The following AKAP9 variants were observed in gnomAD, a reference collection of about 807,000 sequenced individuals.
The protein encoded by AKAP9 is A-kinase anchor protein 9.
In AKAP9, 311 loss-of-function variants were observed where a neutral mutation model predicts 488.5. The ratio of observed to expected loss-of-function variants is 0.64; its 90% CI spans 0.58 to 0.70. The LOEUF (loss-of-function observed/expected upper bound fraction) is 0.70, where lower values mean the gene tolerates loss of function less well. Ranked by LOEUF, AKAP9 falls within the 30% of genes least tolerant of loss-of-function variation. AKAP9 has a pLI of 0.00. For missense variants in AKAP9, 4,215 were observed against 4,374.5 expected (o/e 0.96, Z 1.03); for synonymous variants, 1,462 against 1,483.5 (o/e 0.99, Z 0.33).
intron 26 of AKAP9, among the ~76,000 whole-genome samples, chr7:92,068,609 T>C (rs1811179694): frequency 1.3e-5 from 2 of 152,014 alleles, no homozygotes; most frequent in Admixed American, 6.5e-5. Flanking sequence ...ATTTTTTTTT[T>C]CTACTGTTGC....
At chr7:91,971,975 T>TGC (rs1464270556) in intron 1 of AKAP9, among the ~76,000 whole-genome samples, 2 of 141,860 alleles carry the variant, frequency 1.4e-5, no homozygotes, top group East Asian at 4.1e-4. Flanking sequence ...TTTTATGTTT[T>TGC]GCCTCTCTTT....
intron 16 of AKAP9, among the ~76,000 whole-genome samples, chr7:92,033,738 G>A (rs1435733578): frequency 6.6e-6 from 1 of 152,100 alleles, no homozygotes; most frequent in Non-Finnish European, 1.5e-5. Context: ...ATGCCTGGCT[G>A]AGAATCATTT....
chr7:92,085,609 G>T lies in AKAP9; in HGVS notation c.8947G>T (p.Glu2983Ter). The T allele has an allele frequency of 6.2e-7, 1 of 1,613,886 alleles. No homozygotes were observed. The highest frequency in any genetic ancestry group is 8.5e-7 in the Non-Finnish European group (1 of 1,179,898). Reference protein sequence around the residue: ...IQQVSEPWLEERKAYINTISS... With the variant: ...IQQVSEPWLE ...GCAGGTTTCAGAACCTTGGCTAGAA[G>T]AGAGAAAAGCTTACATCAATACAAT... is the stretch of plus-strand genomic sequence containing the variant. Residue 2983 changes from glutamate to a stop codon, truncating the protein, a stop_gained, in exon 36 of 50, where the codon GAG becomes TAG. Coordinates refer to ENST00000356239, the MANE Select transcript of AKAP9 (RefSeq NM_005751.5). LOFTEE classifies it high-confidence loss of function.
intron 14 of AKAP9, among the ~76,000 whole-genome samples, chr7:92,027,214 T>C (rs1310369425): frequency 7.9e-6 from 1 of 127,044 alleles, no homozygotes; most frequent in East Asian, 2.7e-4. Context: ...GGCTGCCGCG[T>C]CTGGGAGGTG....
chr7:92,002,751 T>C lies in AKAP9; in HGVS notation c.2834T>C (p.Leu945Pro), dbSNP rs1216717375. 1 of 1,613,630 alleles carries C rather than the reference T, an allele frequency of 6.2e-7. No homozygotes were observed. ...EKDTTELMEK[L>P]EVTKREKLEL... ...GATACAACAGAACTCATGGAAAAACTTGAGGTAACCAAGCGAGAGAAATTA... is the reference window on the plus strand; with the variant it reads ...GATACAACAGAACTCATGGAAAAACCTGAGGTAACCAAGCGAGAGAAATTA... The change falls in exon 8 of 50, where the codon CTT becomes CCT. Residue 945 changes from leucine (L) to proline (P), a missense_variant. Coordinates refer to ENST00000356239, the MANE Select transcript of AKAP9 (RefSeq NM_005751.5).
chr7:92,041,927 T>C, intron 18 of AKAP9, 119 bp from the exon 19 acceptor site: 1 of 1,058,836 alleles, frequency 9.4e-7, no homozygotes, highest in South Asian at 1.4e-5. Flanking sequence ...CGATGGAATA[T>C]GAATCATAAG....
At chr7:92,030,687 A>G (rs893569450) in intron 15 of AKAP9, among the ~76,000 whole-genome samples, 1 of 152,150 alleles carries the variant, frequency 6.6e-6, no homozygotes, top group African/African-American at 2.4e-5. Context: ...ATCCAAGACA[A>G]TAGGGCTGGG....
chr7:92,029,024 A>G (rs1803781865), intron 14 of AKAP9, among the ~76,000 whole-genome samples: 1 of 152,160 alleles, frequency 6.6e-6, no homozygotes, highest in Non-Finnish European at 1.5e-5. Context: ...GGTTATGTGG[A>G]CAAGAGGAAG....
chr7:91,987,232 A>C (rs1446853713), intron 3 of AKAP9, among the ~76,000 whole-genome samples: 1 of 152,118 alleles, frequency 6.6e-6, no homozygotes, highest in Non-Finnish European at 1.5e-5. Context: ...AGTTTGACCA[A>C]CATGCTGAAA....
At chr7:92,109,871 A>T (rs1398186950) in intron 49 of AKAP9, among the ~76,000 whole-genome samples, 1 of 152,134 alleles carries the variant, frequency 6.6e-6, no homozygotes, top group Non-Finnish European at 1.5e-5. Flanking sequence ...GAATCACTTG[A>T]ACCCAGGAGG....
intron 1 of AKAP9, among the ~76,000 whole-genome samples, chr7:91,971,556 A>ATTTC (rs1554387344): frequency 1.0e-4 from 8 of 77,978 alleles, no homozygotes; most frequent in African/African-American, 3.9e-4. Flanking sequence ...ATATACATCT[A>ATTTC]TTTCTTTTTT....
intron 37 of AKAP9, among the ~76,000 whole-genome samples, chr7:92,089,073 A>G (rs553801036): frequency 6.6e-6 from 1 of 152,312 alleles, no homozygotes; most frequent in East Asian, 1.9e-4. Context: ...GCTGTGAAGT[A>G]CATTTCACAA....
intron 14 of AKAP9, among the ~76,000 whole-genome samples, chr7:92,026,958 G>A (rs1168058400): frequency 1.3e-5 from 2 of 149,652 alleles, no homozygotes; most frequent in Non-Finnish European, 3.0e-5. Flanking sequence ...TGTCTGGGAT[G>A]TGGGGAGCGC....
chr7:91,945,255 C>T (rs186944905), intron 1 of AKAP9, among the ~76,000 whole-genome samples: 2 of 152,220 alleles, frequency 1.3e-5, no homozygotes, highest in African/African-American at 4.8e-5. Flanking sequence ...ACCTGTAATC[C>T]AAGCACTTTA....
In AKAP9 at chr7:92,062,361, A is replaced by T. The variant is rs1387464383; in HGVS notation, c.5852A>T (p.Glu1951Val). ...GATATAATAGATCGTCTTGAGCAGG[A>T]GTTGTTATGTGCAAGTAACAGGTTG... Reference protein sequence around the residue: ...KTDIIDRLEQELLCASNRLQE... With the variant: ...KTDIIDRLEQVLLCASNRLQE... The change falls in exon 24 of 50, where the codon GAG becomes GTG. Residue 1951 changes from glutamate to valine, a missense_variant. Coordinates refer to ENST00000356239, the MANE Select transcript of AKAP9 (RefSeq NM_005751.5). The T allele has an allele frequency of 1.2e-6, 2 of 1,613,836 alleles. No homozygotes were observed. Among genetic ancestry groups the T allele is most frequent in the Non-Finnish European group, 1.7e-6 (2 of 1,179,870 alleles).
chr7:91,998,771 GT>G (rs1798744909), intron 7 of AKAP9, among the ~76,000 whole-genome samples: 1 of 151,856 alleles, frequency 6.6e-6, no homozygotes, highest in African/African-American at 2.4e-5. Context: ...TTCCAAATGT[GT>G]TACAGATTTC....
chr7:92,097,608 G>C lies in AKAP9; in HGVS notation c.10421G>C (p.Ser3474Thr), dbSNP rs1180589022. ...CAGCCAACCACGTGGAGCTTAACCA[G>C]TGATAGAACTAGAAATTGGGTTCTT... ...LNEPTTWSLT[S>T]DRTRNWVLQQ... The change falls in exon 42 of 50, where the codon AGT becomes ACT. Residue 3474 changes from serine (S) to threonine (T), a missense_variant. This residue lies in a region of AKAP9 where 1,476 missense variants were observed against 1,477.4 expected (regional missense o/e 1.00). Transcript: ENST00000356239. 6.2e-7 allele frequency: 1 copy of C among 1,613,510 alleles called. No individual in the cohort carries two copies. Among genetic ancestry groups the C allele is most frequent in the African/African-American group, 1.3e-5 (1 of 74,912 alleles).
chr7:91,976,155 C>T (rs957304567), intron 2 of AKAP9, among the ~76,000 whole-genome samples: 1 of 151,908 alleles, frequency 6.6e-6, no homozygotes, highest in Middle Eastern at 3.2e-3. Context: ...ACTCCTGACC[C>T]CAAGTGATAC....
intron 1 of AKAP9, among the ~76,000 whole-genome samples, chr7:91,955,845 G>T (rs1792922961): frequency 1.3e-5 from 2 of 152,100 alleles, no homozygotes; most frequent in Admixed American, 1.3e-4. Context: ...TGTTGGCCAG[G>T]CTGGTCTCGA....
Sources: gnomAD v4.1 joint callset for allele counts (sites outside exome capture counted in the v4.1 genomes callset) on GRCh38, gnomAD v4.1.1 for gene constraint, gnomAD v4.1.1 regional missense constraint, MANE v1.5 for transcripts, NCBI Gene and HGNC (gene_info 2026-07-23, HGNC 2026-07-21) for gene names.